Variants in PCDH9 observed in about 807,000 individuals in gnomAD.
PCDH9 encodes protocadherin 9.
Under a neutral mutation model 70.6 loss-of-function variants are expected in PCDH9, and 24 were observed. That is an observed-to-expected ratio of 0.34 (90% CI 0.25 to 0.48). PCDH9 has a LOEUF of 0.48. Among genes scored for constraint, PCDH9 ranks in the 20% least tolerant of loss-of-function variants. The pLI is 0.99. For missense variants in PCDH9, 1,281 were observed against 1,503.6 expected (o/e 0.85, Z 2.45); for synonymous variants, 562 against 558.5 (o/e 1.01, Z -0.09).
chr13:66,757,349 C>T (rs1391608969), intron 3 of PCDH9, among the ~76,000 whole-genome samples: 3 of 152,106 alleles, frequency 2.0e-5, no homozygotes, highest in Non-Finnish European at 4.4e-5. Context: ...TTTCACTTTA[C>T]TCTTATTGTA....
At chr13:66,924,835 T>A (rs2082691919) in intron 2 of PCDH9, among the ~76,000 whole-genome samples, 1 of 151,808 alleles carries the variant, frequency 6.6e-6, no homozygotes, top group South Asian at 2.1e-4. Flanking sequence ...GCTATATTGC[T>A]ATTTCCATCT....
At chr13:66,417,259 TG>T (rs1364224763) in intron 4 of PCDH9, among the ~76,000 whole-genome samples, 1 of 152,158 alleles carries the variant, frequency 6.6e-6, no homozygotes, top group Non-Finnish European at 1.5e-5. Context: ...CTCCCACTTA[TG>T]AGTAAGAATA....
intron 2 of PCDH9, among the ~76,000 whole-genome samples, chr13:66,924,278 AT>A (rs1028285741): frequency 2.6e-5 from 4 of 151,844 alleles, no homozygotes; most frequent in Non-Finnish European, 5.9e-5. Flanking sequence ...CTCAGGATTA[AT>A]TTTTAAAGCA....
intron 3 of PCDH9, among the ~76,000 whole-genome samples, chr13:66,698,983 C>T (rs1593913362): frequency 2.1e-5 from 3 of 144,410 alleles, no homozygotes; most frequent in Admixed American, 1.5e-4. Context: ...GGTGCAATCT[C>T]GGCTCACTGC....
At chr13:66,779,866 T>TATATATATATATATATATATAC (rs1336725254) in intron 3 of PCDH9, among the ~76,000 whole-genome samples, 61 of 71,694 alleles carry the variant, frequency 8.5e-4, no homozygotes, top group African/African-American at 2.9e-3. Flanking sequence ...TATATATATA[T>TATATATATATATATATATATAC]ACATATATGT....
chr13:67,077,580 A>C (rs1217665735), intron 2 of PCDH9, among the ~76,000 whole-genome samples: 1 of 152,196 alleles, frequency 6.6e-6, no homozygotes, highest in Admixed American at 6.5e-5. Context: ...TGTTTAGAAT[A>C]GTATCTGGCA....
chr13:66,832,304 A>T (rs752904759), intron 3 of PCDH9, among the ~76,000 whole-genome samples: 1 of 152,142 alleles, frequency 6.6e-6, no homozygotes, highest in Non-Finnish European at 1.5e-5. Flanking sequence ...AATAACTGAA[A>T]CAGAATTAGA....
intron 2 of PCDH9, among the ~76,000 whole-genome samples, chr13:66,929,719 G>A (rs965957841): frequency 3.3e-5 from 5 of 152,032 alleles, no homozygotes; most frequent in Non-Finnish European, 7.4e-5. Flanking sequence ...TGTATTTTTT[G>A]GAATGCATCT....
At chr13:66,632,149 C>T (rs2077580027) in intron 3 of PCDH9, among the ~76,000 whole-genome samples, 1 of 152,160 alleles carries the variant, frequency 6.6e-6, no homozygotes, top group African/African-American at 2.4e-5. Flanking sequence ...CCCGCCTTGG[C>T]CTCCCAAAGT....
At chr13:66,961,901 A>C (rs1265431097) in intron 2 of PCDH9, among the ~76,000 whole-genome samples, 1 of 152,022 alleles carries the variant, frequency 6.6e-6, no homozygotes, top group Non-Finnish European at 1.5e-5. Flanking sequence ...AAATACAAAA[A>C]TTAGCCGGGC....
At chr13:67,113,647 C>A (rs535533265) in intron 2 of PCDH9, among the ~76,000 whole-genome samples, 14 of 151,950 alleles carry the variant, frequency 9.2e-5, no homozygotes, top group Non-Finnish European at 1.6e-4. Context: ...TCCCGGGTTC[C>A]CGCCACTCTC....
intron 3 of PCDH9, among the ~76,000 whole-genome samples, chr13:66,824,299 G>C (rs2139387945): frequency 8.1e-6 from 1 of 123,806 alleles, no homozygotes; most frequent in Non-Finnish European, 1.7e-5. Flanking sequence ...TCATTTGTTT[G>C]AAAGTATATA....
At chr13:66,802,809 A>G (rs922113247) in intron 3 of PCDH9, among the ~76,000 whole-genome samples, 3 of 152,078 alleles carry the variant, frequency 2.0e-5, no homozygotes, top group Non-Finnish European at 4.4e-5. Flanking sequence ...TATTTTCCCA[A>G]TTATTTCAGA....
rs1555324398 is a variant in PCDH9, at chr13:66,708,404, T to TC, written c.3139-76994_3139-76993insG. Among the ~76,000 whole-genome samples, 20 of 16,884 alleles carry TC rather than the reference T, an allele frequency of 1.2e-3. 1 individual carries two copies. In the Admixed American group the frequency reaches 0.023, roughly 19 times the overall value. The allele number at this position is 16,884 out of a possible 152,430, so 11.1% of individuals were successfully genotyped here. A position where few individuals can be genotyped will look rare whatever the true frequency, so the allele number is the denominator to read the frequency against. On this transcript the variant is annotated intron_variant, in intron 3 of 4. Transcript: ENST00000377865. ...CTTTCAAGTGTACTTTGAGATTTAG[T>TC]TTTTTTTTTTTTTTTTCTTTCTTAG...
chr13:67,226,368 G>C lies in PCDH9; in HGVS notation c.2073C>G (p.Ala691=). The C allele has an allele frequency of 6.2e-7, 1 of 1,614,192 alleles. No homozygotes were observed. Among genetic ancestry groups the C allele is most frequent in the South Asian group, 1.1e-5 (1 of 91,084 alleles). The change falls in exon 2 of 5, where the codon GCC becomes GCG. Residue 691 remains alanine (A), a synonymous_variant. Coordinates refer to ENST00000377865, the MANE Select transcript of PCDH9 (RefSeq NM_203487.3). This position sits in a 1 kb window ranked among gnomAD's most constrained non-coding sequence, Gnocchi z 5.0. ...NTSFKLVPLS[A]IPGSVVAEVF... ...CTTCTGCTACCACGGAGCCAGGAAT[G>C]GCTGAGAGGGGCACCAACTTAAAGG...
intron 3 of PCDH9, among the ~76,000 whole-genome samples, chr13:66,758,562 T>C (rs2079572871): frequency 6.6e-6 from 1 of 152,078 alleles, no homozygotes; most frequent in Non-Finnish European, 1.5e-5. Flanking sequence ...TATCTATCTG[T>C]AATTTTAACA....
At chr13:66,705,910 G>T (rs1463165942) in intron 3 of PCDH9, among the ~76,000 whole-genome samples, 1 of 151,976 alleles carries the variant, frequency 6.6e-6, no homozygotes, top group Non-Finnish European at 1.5e-5. Context: ...TTATTTCATG[G>T]CTACTTTTTC....
chr13:66,864,636 C>G (rs1010546535), intron 3 of PCDH9, among the ~76,000 whole-genome samples: 1 of 152,154 alleles, frequency 6.6e-6, no homozygotes, highest in Non-Finnish European at 1.5e-5. Context: ...CATAGTCAAA[C>G]TCTGCCCACT....
chr13:66,866,689 C>G (rs1191763980), intron 3 of PCDH9, among the ~76,000 whole-genome samples: 1 of 151,894 alleles, frequency 6.6e-6, no homozygotes, highest in African/African-American at 2.4e-5. Flanking sequence ...CCCAGCTACT[C>G]AGGAAGCTGA....
Sources: gnomAD v4.1 joint callset for allele counts (sites outside exome capture counted in the v4.1 genomes callset) on GRCh38, gnomAD v4.1.1 for gene constraint, Gnocchi (gnomAD v3.1) non-coding constraint, MANE v1.5 for transcripts, NCBI Gene and HGNC (gene_info 2026-07-23, HGNC 2026-07-21) for gene names.